Variants in TBXAS1 observed in about 807,000 individuals in gnomAD.
TBXAS1 encodes the protein thromboxane-A synthase.
TBXAS1 carries 48 observed loss-of-function variants against 60.7 expected under a neutral mutation model. The ratio of observed to expected loss-of-function variants is 0.79; its 90% confidence interval spans 0.63 to 1.01. The LOEUF (loss-of-function observed/expected upper bound fraction) is 1.01, where lower values mean the gene tolerates loss of function less well. Among genes scored for constraint, TBXAS1 ranks in the 50% least tolerant of loss-of-function variants. The probability of loss-of-function intolerance (pLI) is 0.00; values close to 1 mark genes in which losing one functional copy is unlikely to be tolerated. For synonymous variants in TBXAS1, 287 were observed against 269.7 expected (o/e 1.06, Z -0.63); for missense variants, 685 against 686.3 (o/e 1.00, Z 0.02).
chr7:139,976,813 T>C (rs1811595932), intron 9 of TBXAS1, among the ~76,000 whole-genome samples: 2 of 152,132 alleles, frequency 1.3e-5, no homozygotes, highest in South Asian at 2.1e-4. Flanking sequence ...CAAATGTGCA[T>C]AGTGACATTG....
intron 2 of TBXAS1, 44 bp downstream of exon 2, chr7:139,872,372 G>T (rs376958482): frequency 6.3e-7 from 1 of 1,582,866 alleles, no homozygotes; most frequent in African/African-American, 1.3e-5. Context: ...AATATGCTGA[G>T]GGCCAGGCAC....
At chr7:139,960,357 C>T (rs2117368563) in intron 8 of TBXAS1, among the ~76,000 whole-genome samples, 1 of 152,326 alleles carries the variant, frequency 6.6e-6, no homozygotes, top group East Asian at 1.9e-4. Flanking sequence ...GAGTCATGGA[C>T]TGCAGATTTA....
At chr7:139,919,223 G>T (rs1209630667) in intron 4 of TBXAS1, among the ~76,000 whole-genome samples, 1 of 152,198 alleles carries the variant, frequency 6.6e-6, no homozygotes, top group Non-Finnish European at 1.5e-5. Flanking sequence ...AAGGGGACAA[G>T]TTGCACGATG....
chr7:139,927,714 C>T (rs1240333496), intron 4 of TBXAS1, among the ~76,000 whole-genome samples: 1 of 152,078 alleles, frequency 6.6e-6, no homozygotes, highest in Non-Finnish European at 1.5e-5. Flanking sequence ...TTCCAGACTA[C>T]AGGTCTTTTG....
At chr7:139,792,967 C>G (rs1797434486) in intron 4 of TBXAS1, among the ~76,000 whole-genome samples, 1 of 152,174 alleles carries the variant, frequency 6.6e-6, no homozygotes, top group Admixed American at 6.5e-5. Flanking sequence ...TTGTCTGCAG[C>G]CTGCCTGATT....
intron 9 of TBXAS1, among the ~76,000 whole-genome samples, chr7:139,970,890 G>A (rs1811147389): frequency 6.6e-6 from 1 of 152,108 alleles, no homozygotes; most frequent in Admixed American, 6.5e-5. Flanking sequence ...GGACCCTCAG[G>A]CCAATCCTTT....
At chr7:139,893,861 T>C (rs1236816789) in intron 3 of TBXAS1, among the ~76,000 whole-genome samples, 2 of 152,202 alleles carry the variant, frequency 1.3e-5, no homozygotes, top group Non-Finnish European at 2.9e-5. Flanking sequence ...GTATATTCAA[T>C]AGAGTAGGGA....
At chr7:139,873,832 G>A (rs1039239903) in intron 2 of TBXAS1, among the ~76,000 whole-genome samples, 8 of 152,112 alleles carry the variant, frequency 5.3e-5, no homozygotes, top group African/African-American at 1.9e-4. Flanking sequence ...CAGACCCAAC[G>A]CCAGGAGCCG....
chr7:139,962,295 G>T, intron 9 of TBXAS1, 62 bp downstream of exon 9: 1 of 1,594,270 alleles, frequency 6.3e-7, no homozygotes, highest in East Asian at 2.2e-5. Flanking sequence ...TTTTGTGTTT[G>T]TGGGAGTGAA....
At chr7:139,819,748 C>T (rs1340975713) in intron 4 of TBXAS1, among the ~76,000 whole-genome samples, 2 of 152,086 alleles carry the variant, frequency 1.3e-5, no homozygotes, top group Non-Finnish European at 2.9e-5. Context: ...AGTGATCCAC[C>T]TGCCTTGGCC....
intron 9 of TBXAS1, among the ~76,000 whole-genome samples, chr7:139,994,102 C>T (rs959925503): frequency 1.3e-5 from 2 of 151,810 alleles, no homozygotes; most frequent in Admixed American, 6.6e-5. Flanking sequence ...AGTGCAATGG[C>T]GTGATCTGGG....
chr7:140,010,827 A>T (rs1585053876), intron 10 of TBXAS1, among the ~76,000 whole-genome samples: 1 of 152,350 alleles, frequency 6.6e-6, no homozygotes, highest in African/African-American at 2.4e-5. Context: ...ACAGGGCATA[A>T]CAGTAATTAC....
intron 4 of TBXAS1, among the ~76,000 whole-genome samples, chr7:139,817,331 G>T (rs540208766): frequency 3.9e-5 from 6 of 152,024 alleles, no homozygotes; most frequent in Non-Finnish European, 8.8e-5. Context: ...GCATGCACAC[G>T]TGCCTGCTCC....
At position 139,852,297 on chromosome 7, in the gene TBXAS1, G is replaced by T. The variant is rs1298301031; in HGVS notation, c.90-19938G>T. On this transcript the variant is annotated intron_variant, in intron 1 of 12. Transcript: ENST00000448866. The surrounding 1 kb of genome is among the most constrained non-coding windows in gnomAD (Gnocchi z 4.4). ...GTCAGGACTGAGGACTCTAATAATG[G>T]AAGGGATTATAAGTTGCAGGGAGCA... Among the ~76,000 whole-genome samples, 2 of 152,216 alleles carry T rather than the reference G, an allele frequency of 1.3e-5. No homozygotes were observed. The highest frequency in any genetic ancestry group is 2.4e-5 in the African/African-American group (1 of 41,464).
At chr7:139,792,156 T>C (rs1797406981) in intron 4 of TBXAS1, among the ~76,000 whole-genome samples, 1 of 152,216 alleles carries the variant, frequency 6.6e-6, no homozygotes, top group South Asian at 2.1e-4. Flanking sequence ...AATATTCCTG[T>C]CCTAAAAGGA....
rs572644514 is a variant in TBXAS1, at chr7:140,003,623, A to T, written c.1135-3468A>T. On this transcript the variant is annotated intron_variant, in intron 9 of 12. Coordinates refer to ENST00000448866, the MANE Select transcript of TBXAS1 (RefSeq NM_001061.7). ...AAATTCGCTTAGCCTATCTTTAAAA[A>T]TTTTCTTTCTTTGACAAACCGTGAC... is the stretch of plus-strand genomic sequence containing the variant. Among the ~76,000 whole-genome samples the T allele has an allele frequency of 1.4e-4, 21 of 152,174 alleles. No individual in the cohort carries two copies. The South Asian group carries it at 4.2e-3, about 30-fold the overall frequency.
chr7:139,825,018 C>G (rs146684701), upstream of TBXAS1, among the ~76,000 whole-genome samples: 52 of 151,894 alleles, frequency 3.4e-4, no homozygotes, highest in African/African-American at 1.1e-3. Context: ...TTAGTAGAGA[C>G]AGGGTTTTGC....
Position 139,916,287 on chromosome 7 carries a change from C to T in TBXAS1, c.333+4966C>T, listed in dbSNP as rs1418964895. The stretch of plus-strand genomic sequence containing the variant: ...GTGGGAAGGGTGATAAGAGGTAAGC[C>T]AGTCTTTGGCCCATGTTAGCTTGGT... On this transcript the variant is annotated intron_variant, in intron 4 of 12. Coordinates refer to ENST00000448866, the MANE Select transcript of TBXAS1 (RefSeq NM_001061.7). The surrounding 1 kb of genome is among the most constrained non-coding windows in gnomAD (Gnocchi z 4.2). Among the ~76,000 whole-genome samples the T allele has an allele frequency of 6.6e-6, 1 of 152,114 alleles. No individual in the cohort carries two copies. Among genetic ancestry groups the T allele is most frequent in the Non-Finnish European group, 1.5e-5 (1 of 68,022 alleles).
chr7:139,810,823 G>T (rs966131482), intron 4 of TBXAS1, among the ~76,000 whole-genome samples: 1 of 152,188 alleles, frequency 6.6e-6, no homozygotes, highest in Non-Finnish European at 1.5e-5. Context: ...TACTTCTCCA[G>T]AGCAGACTTC....
Sources: gnomAD v4.1 joint callset for allele counts (sites outside exome capture counted in the v4.1 genomes callset) on GRCh38, gnomAD v4.1.1 for gene constraint, Gnocchi (gnomAD v3.1) non-coding constraint, MANE v1.5 for transcripts, NCBI Gene and HGNC (gene_info 2026-07-23, HGNC 2026-07-21) for gene names.